Variants in TOX observed in about 807,000 individuals in gnomAD.
The protein encoded by TOX is thymocyte selection-associated high mobility group box protein TOX.
Under a neutral mutation model 53.7 loss-of-function variants are expected in TOX, and 11 were observed. The ratio of observed to expected loss-of-function variants is 0.20; its 90% CI spans 0.13 to 0.34. The LOEUF is 0.34. Among genes scored for constraint, TOX ranks in the 10% least tolerant of loss-of-function variants. The pLI is 1.00. For synonymous variants in TOX, 225 were observed against 245.3 expected, an observed-to-expected ratio of 0.92 and a Z score of 0.77; for missense variants, 570 against 664.6, an observed-to-expected ratio of 0.86 and a Z score of 1.56.
At chr8:58,959,834 A>T in intron 2 of TOX, 109 bp downstream of exon 2, 1 of 1,151,414 alleles carries the variant, frequency 8.7e-7, no homozygotes, top group Non-Finnish European at 1.3e-6. Context: ...ATAAATTATG[A>T]TTATTCCTGA....
At chr8:58,874,027 T>G (rs1230704688) in intron 3 of TOX, among the ~76,000 whole-genome samples, 1 of 136,756 alleles carries the variant, frequency 7.3e-6, no homozygotes, top group African/African-American at 2.7e-5. Context: ...TGGCCAAGCA[T>G]GACAAGGAGC....
At chr8:58,859,047 C>A (rs1008353676) in intron 3 of TOX, among the ~76,000 whole-genome samples, 1 of 152,060 alleles carries the variant, frequency 6.6e-6, no homozygotes, top group African/African-American at 2.4e-5. Flanking sequence ...TATTATTTTC[C>A]TAAATGCATT....
chr8:58,994,139 C>G (rs1813509874), intron 1 of TOX, among the ~76,000 whole-genome samples: 1 of 152,168 alleles, frequency 6.6e-6, no homozygotes, highest in Non-Finnish European at 1.5e-5. Flanking sequence ...TCCGTGAAGA[C>G]TCATATGAAA....
At chr8:58,818,845 C>T (rs1482501568) in intron 6 of TOX, among the ~76,000 whole-genome samples, 1 of 152,194 alleles carries the variant, frequency 6.6e-6, no homozygotes, top group Non-Finnish European at 1.5e-5. Context: ...TGGTTAGATA[C>T]ACTGCCCTTT....
At chr8:59,096,115 G>A (rs1804707975) in intron 1 of TOX, among the ~76,000 whole-genome samples, 1 of 152,116 alleles carries the variant, frequency 6.6e-6, no homozygotes, top group African/African-American at 2.4e-5. Flanking sequence ...AAGGATAATT[G>A]CTTCTTATCA....
chr8:59,055,869 G>A (rs1803880089), intron 1 of TOX, among the ~76,000 whole-genome samples: 1 of 151,980 alleles, frequency 6.6e-6, no homozygotes, highest in African/African-American at 2.4e-5. Context: ...AGTCCTATTT[G>A]TCCCATCCTA....
chr8:58,963,869 G>C (rs1375030703), intron 1 of TOX, among the ~76,000 whole-genome samples: 1 of 152,186 alleles, frequency 6.6e-6, no homozygotes, highest in African/African-American at 2.4e-5. Flanking sequence ...GCACGTAATA[G>C]GTCTTCGGAA....
At chr8:59,113,886 CA>C (rs1314505800) in intron 1 of TOX, among the ~76,000 whole-genome samples, 1 of 152,140 alleles carries the variant, frequency 6.6e-6, no homozygotes, top group African/African-American at 2.4e-5. Context: ...AATGTCCTAG[CA>C]AAAGTTTAGA....
intron 1 of TOX, among the ~76,000 whole-genome samples, chr8:59,089,589 G>T (rs187406391): frequency 3.3e-5 from 5 of 152,280 alleles, no homozygotes; most frequent in Admixed American, 2.6e-4. Context: ...AAACCATTCA[G>T]CCAGAAGTTT....
intron 1 of TOX, among the ~76,000 whole-genome samples, chr8:58,989,902 C>T (rs947607081): frequency 6.6e-6 from 1 of 152,184 alleles, no homozygotes; most frequent in African/African-American, 2.4e-5. Context: ...CACCTCATGA[C>T]AACCAACATC....
chr8:58,862,431 T>C (rs1811026219), intron 3 of TOX, among the ~76,000 whole-genome samples: 1 of 152,136 alleles, frequency 6.6e-6, no homozygotes, highest in Admixed American at 6.6e-5. Flanking sequence ...TTGAGTCACA[T>C]AAGGTCAAGG....
In TOX at chr8:58,822,314, GCTA is replaced by G. The variant is rs1810295120; in HGVS notation, c.1005+4505_1005+4507del. On this transcript the variant is annotated intron_variant, in intron 6 of 8. Transcript: ENST00000361421. ...ATAATCTTGAATCCTCTCTTTTTCTGCTACTACCTTCTAACTTTCGGCCTTCCA... is the reference window on the plus strand; with the variant it reads ...ATAATCTTGAATCCTCTCTTTTTCTGCTACCTTCTAACTTTCGGCCTTCCA... Among the ~76,000 whole-genome samples the G allele has an allele frequency of 3.3e-5, 5 of 152,208 alleles. No homozygotes were observed. The South Asian group carries it at 1.0e-3, about 32-fold the overall frequency.
chr8:58,920,798 A>G (rs71521434), intron 3 of TOX, among the ~76,000 whole-genome samples: 13,291 of 149,104 alleles, frequency 0.089, 705 homozygotes, highest in South Asian at 0.19. Context: ...GGTAATAACT[A>G]CTCTGTGAGG....
chr8:59,029,737 G>A (rs1210309661), intron 1 of TOX, among the ~76,000 whole-genome samples: 1 of 152,192 alleles, frequency 6.6e-6, no homozygotes, highest in Non-Finnish European at 1.5e-5. Context: ...ATGGAATCCA[G>A]CCAAGAGTGA....
At chr8:58,993,764 G>A (rs1318745941) in intron 1 of TOX, among the ~76,000 whole-genome samples, 1 of 152,122 alleles carries the variant, frequency 6.6e-6, no homozygotes, top group Non-Finnish European at 1.5e-5. Flanking sequence ...TTACTCTTGA[G>A]TCATTAGTTT....
At chr8:58,902,693 G>T (rs569793480) in intron 3 of TOX, among the ~76,000 whole-genome samples, 11 of 152,226 alleles carry the variant, frequency 7.2e-5, no homozygotes, top group Middle Eastern at 3.4e-3. Context: ...TGGTCACCTG[G>T]ATTATTTAAA....
intron 6 of TOX, among the ~76,000 whole-genome samples, chr8:58,823,136 G>A (rs1247926656): frequency 3.3e-5 from 5 of 152,302 alleles, no homozygotes; most frequent in South Asian, 2.1e-4. Flanking sequence ...AGGATTAAGC[G>A]TTTTATTTTT....
chr8:58,966,913 C>G (rs1423744523), intron 1 of TOX, among the ~76,000 whole-genome samples: 2 of 143,682 alleles, frequency 1.4e-5, no homozygotes, highest in Non-Finnish European at 3.0e-5. Context: ...CTTGCTCTGT[C>G]GCCCAGGCTG....
intron 1 of TOX, among the ~76,000 whole-genome samples, chr8:58,970,100 C>T (rs1266538588): frequency 6.6e-6 from 1 of 152,124 alleles, no homozygotes; most frequent in Non-Finnish European, 1.5e-5. Flanking sequence ...TCATTTTGTG[C>T]CTACTTATAT....
Sources: allele counts gnomAD v4.1 joint callset (sites outside exome capture counted in the v4.1 genomes callset), GRCh38; gene constraint gnomAD v4.1.1; transcripts MANE v1.5; gene names NCBI Gene and HGNC (gene_info 2026-07-23, HGNC 2026-07-21).